AAK1: variants seen among roughly 807,000 people sequenced by gnomAD.
AAK1 encodes AP2-associated protein kinase 1.
AAK1 carries 37 observed loss-of-function variants against 116.0 expected under a neutral mutation model. That is an observed-to-expected ratio of 0.32 (90% CI 0.25 to 0.42). The LOEUF (loss-of-function observed/expected upper bound fraction) is 0.42. Among genes scored for constraint, AAK1 ranks in the 10% least tolerant of loss-of-function variants. The pLI is 1.00. For missense variants in AAK1, 919 were observed against 1,170.6 expected (o/e 0.79, Z 3.14); for synonymous variants, 458 against 439.9 (o/e 1.04, Z -0.51).
In AAK1 at chr2:69,505,046, A is replaced by T. The variant is rs530037073; in HGVS notation, c.2269+523T>A. ...CTATACTTTTAACAAAGTCTCATTT[A>T]AAAAAACCTCCCTCCTTTTTTAGAA... is the stretch of plus-strand genomic sequence containing the variant. On this transcript the variant is annotated intron_variant, in intron 16 of 21. Transcript: ENST00000409085. Among the ~76,000 whole-genome samples, 265 of 152,214 alleles carry T rather than the reference A, an allele frequency of 1.7e-3. 2 individuals are homozygous for T. Among genetic ancestry groups the T allele is most frequent in the African/African-American group, 6.0e-3 (251 of 41,552 alleles).
At chr2:69,557,707 G>C (rs1671445358) in intron 2 of AAK1, among the ~76,000 whole-genome samples, 1 of 152,142 alleles carries the variant, frequency 6.6e-6, no homozygotes, top group Non-Finnish European at 1.5e-5. Flanking sequence ...AAAGACATCT[G>C]ATTCAAACCA....
chr2:69,566,503 C>G (rs1159184238), intron 2 of AAK1, among the ~76,000 whole-genome samples: 2 of 152,064 alleles, frequency 1.3e-5, no homozygotes, highest in Non-Finnish European at 2.9e-5. Flanking sequence ...GCTGTGGGCA[C>G]AAAATCAGAG....
At chr2:69,637,945 A>C (rs1675522243) in intron 2 of AAK1, among the ~76,000 whole-genome samples, 1 of 152,224 alleles carries the variant, frequency 6.6e-6, no homozygotes, top group Non-Finnish European at 1.5e-5. Flanking sequence ...TTTGTTAGAA[A>C]GACTGAAAGA....
Position 69,634,211 on chromosome 2 carries a change from T to A in AAK1, c.163+8667A>T, listed in dbSNP as rs141668483. ...AGAATGTTATGAGAAAAGATACTGATGATCCTTTGTACAAGGAAGAATTTT... is the reference window on the plus strand; with the variant it reads ...AGAATGTTATGAGAAAAGATACTGAAGATCCTTTGTACAAGGAAGAATTTT... On this transcript the variant is annotated intron_variant, in intron 2 of 21. Coordinates refer to ENST00000409085, the MANE Select transcript of AAK1 (RefSeq NM_014911.5). Among the ~76,000 whole-genome samples the A allele has an allele frequency of 3.6e-3, 555 of 152,246 alleles. 2 individuals carry two copies. Among genetic ancestry groups the A allele is most frequent in the Non-Finnish European group, 5.7e-3 (386 of 67,986 alleles).
At chr2:69,544,614 C>A (rs1464392685) in intron 3 of AAK1, 70 bp from the exon 4 acceptor site, 3 of 1,080,222 alleles carry the variant, frequency 2.8e-6, no homozygotes, top group Non-Finnish European at 2.8e-6. Flanking sequence ...CCAGTCAGTT[C>A]CATTAGCACA....
chr2:69,591,760 G>A (rs548685225), intron 2 of AAK1, among the ~76,000 whole-genome samples: 53 of 151,956 alleles, frequency 3.5e-4, no homozygotes, highest in Admixed American at 9.8e-4. Flanking sequence ...TAGCAGAGAC[G>A]GGGTTTCATC....
At chr2:69,612,630 T>C (rs2105220258) in intron 2 of AAK1, among the ~76,000 whole-genome samples, 1 of 152,384 alleles carries the variant, frequency 6.6e-6, no homozygotes, top group Admixed American at 6.5e-5. Flanking sequence ...ATCTTCTCTA[T>C]GGTCCTTGCC....
chr2:69,533,456 T>G (rs560665911), intron 5 of AAK1, among the ~76,000 whole-genome samples: 1 of 152,362 alleles, frequency 6.6e-6, no homozygotes, highest in Non-Finnish European at 1.5e-5. Flanking sequence ...TATACTTGTT[T>G]CTATACTTTC....
chr2:69,525,831 T>C (rs888306972), intron 9 of AAK1, among the ~76,000 whole-genome samples: 3 of 152,220 alleles, frequency 2.0e-5, no homozygotes, highest in African/African-American at 7.2e-5. Context: ...TCTGAATGCT[T>C]CCACTTAGAT....
intron 21 of AAK1, among the ~76,000 whole-genome samples, chr2:69,476,676 T>C (rs1409514818): frequency 6.6e-6 from 1 of 152,220 alleles, no homozygotes; most frequent in Non-Finnish European, 1.5e-5. Context: ...TGTTAAAGAC[T>C]TCTCTCTAAA....
intron 2 of AAK1, among the ~76,000 whole-genome samples, chr2:69,626,259 C>T (rs900595881): frequency 6.6e-6 from 1 of 151,504 alleles, no homozygotes; most frequent in Non-Finnish European, 1.5e-5. Context: ...AAAAATAATA[C>T]AATTATTATT....
At chr2:69,484,865 T>A in intron 17 of AAK1, among the ~76,000 whole-genome samples, 1 of 139,448 alleles carries the variant, frequency 7.2e-6, no homozygotes, top group Non-Finnish European at 1.5e-5. Context: ...ACAGAGTGAG[T>A]CTCAAAAAAA....
At chr2:69,573,482 A>G (rs1672170501) in intron 2 of AAK1, among the ~76,000 whole-genome samples, 1 of 152,208 alleles carries the variant, frequency 6.6e-6, no homozygotes, top group African/African-American at 2.4e-5. Context: ...GTCAAAAAAT[A>G]TTGAGAAGAG....
chr2:69,503,882 C>A (rs1008285525), intron 16 of AAK1, among the ~76,000 whole-genome samples: 3 of 151,854 alleles, frequency 2.0e-5, no homozygotes, highest in Non-Finnish European at 4.4e-5. Flanking sequence ...GCCTGTGATC[C>A]CAGCTATTTG....
chr2:69,501,023 A>G (rs6754277), intron 16 of AAK1, among the ~76,000 whole-genome samples: 95,566 of 151,290 alleles, frequency 0.63, 30,767 homozygotes, highest in East Asian at 0.8. Flanking sequence ...TCTGGGACTC[A>G]GCAGCAAAGA....
At chr2:69,530,741 T>G in intron 6 of AAK1, 35 bp from the exon 7 acceptor site, 1 of 1,490,890 alleles carries the variant, frequency 6.7e-7, no homozygotes, top group South Asian at 1.2e-5. Flanking sequence ...ATTAAATATG[T>G]CAATACTATA....
chr2:69,482,356 C>CAAA, intron 18 of AAK1: 39 of 411,876 alleles, frequency 9.5e-5, no homozygotes, highest in South Asian at 1.3e-4. Context: ...CTGTCTCAAA[C>CAAA]AAAAAAAAAA....
In AAK1 at chr2:69,514,633, C is replaced by T. The variant is rs770719726; in HGVS notation, c.1614G>A (p.Gln538=). The change falls in exon 13 of 22, where the codon CAG becomes CAA. Residue 538 remains glutamine, a synonymous_variant. Transcript: ENST00000409085. ...MQNFYQQQQQ[Q]QQQQQQQQLA... ...GCTGTTGCTGTTGCTGTTGTTGTTG[C>T]TGCTGCTGCTGCTGCTGGTAGAAAT... The T allele has an allele frequency of 2.2e-5, 32 of 1,461,024 alleles. No individual in the cohort carries two copies. Among genetic ancestry groups the T allele is most frequent in the South Asian group, 8.4e-5 (7 of 83,548 alleles). 90.5% of individuals were successfully genotyped at this position (1,461,024 alleles called of 1,614,324 possible). A position where few individuals can be genotyped will look rare whatever the true frequency, so the allele number is the denominator to read the frequency against.
intron 3 of AAK1, among the ~76,000 whole-genome samples, chr2:69,550,936 G>A (rs78123861): frequency 0.01 from 1,563 of 152,152 alleles, 29 homozygotes; most frequent in African/African-American, 0.036. Flanking sequence ...TTTAAAGTGT[G>A]TAATATATTA....
Sources: gnomAD v4.1 joint callset for allele counts (sites outside exome capture counted in the v4.1 genomes callset) on GRCh38, gnomAD v4.1.1 for gene constraint, MANE v1.5 for transcripts, NCBI Gene and HGNC (gene_info 2026-07-23, HGNC 2026-07-21) for gene names.